The following FAM217B variants were observed in gnomAD, a reference collection of about 807,000 sequenced individuals.
FAM217B encodes the protein family with sequence similarity 217 member B.
For missense variants in FAM217B, 463 were observed against 456.9 expected (o/e 1.01, Z -0.12); for synonymous variants, 163 against 173.0 (o/e 0.94, Z 0.45).
Position 59,944,054 on chromosome 20 carries a change from C to T in FAM217B, c.111C>T (p.Leu37=). ...CTTCTTCCCAGCCGAGAAGCAGCCT[C>T]ACAGCTGTCACCCAGCCTACTGAAG... The part of the protein sequence containing the change: ...PHASSQPRSS[L]TAVTQPTEEK... The change falls in exon 4 of 4, where the codon CTC becomes CTT. Residue 37 remains leucine, a synonymous_variant. Transcript: ENST00000360816. The T allele has an allele frequency of 1.2e-6, 2 of 1,614,156 alleles. No individual in the cohort carries two copies. The highest frequency in any genetic ancestry group is 1.7e-6 in the Non-Finnish European group (2 of 1,180,022).
intron 1 of FAM217B, among the ~76,000 whole-genome samples, chr20:59,934,238 G>A (rs1165646421): frequency 6.6e-6 from 1 of 152,224 alleles, no homozygotes; most frequent in Non-Finnish European, 1.5e-5. Flanking sequence ...CCGCAGGTCC[G>A]GAGACGGGGT....
upstream of FAM217B, chr20:59,939,745 G>A (rs1286705027): frequency 1.6e-6 from 2 of 1,233,018 alleles, no homozygotes; most frequent in Non-Finnish European, 1.0e-6. Context: ...GGCCGCAGGC[G>A]GGGGTCGCAG....
rs979236236 is a variant in FAM217B at position 59,947,233 on chromosome 20, G to C, written c.*2138G>C. On this transcript the variant is annotated 3_prime_UTR_variant, in exon 4 of 4. Coordinates refer to ENST00000360816, the MANE Select transcript of FAM217B (RefSeq NM_022106.3). ...TTAAGAAATTTAGAGGTGGCTGGGC[G>C]TGGTGGCTCACGCCTGTAATCCCAG... The C allele has an allele frequency of 6.0e-6, 1 of 166,756 alleles. No individual in the cohort carries two copies. Among genetic ancestry groups the C allele is most frequent in the African/African-American group, 2.4e-5 (1 of 41,466 alleles). The allele number at this position is 166,756 out of a possible 1,614,324, so 10.3% of individuals were successfully genotyped here.
upstream of FAM217B, chr20:59,939,697 G>T: frequency 7.1e-7 from 1 of 1,409,154 alleles, no homozygotes; most frequent in South Asian, 1.6e-5. Flanking sequence ...CGGCGCTCGG[G>T]GGAGCTGGGC....
chr20:59,943,662 A>T (rs2145951497), intron 3 of FAM217B, among the ~76,000 whole-genome samples: 1 of 152,280 alleles, frequency 6.6e-6, no homozygotes, highest in East Asian at 1.9e-4. Flanking sequence ...GAGAAATGTT[A>T]ATGTTTTTCC....
At chr20:59,941,128 C>CA (rs974384511) in intron 1 of FAM217B, among the ~76,000 whole-genome samples, 20 of 152,214 alleles carry the variant, frequency 1.3e-4, no homozygotes, top group Non-Finnish European at 2.8e-4. Context: ...TAGCTTTGAG[C>CA]ACAAAACCCC....
upstream of FAM217B, chr20:59,939,663 C>A (rs746941305): frequency 5.4e-6 from 8 of 1,481,608 alleles, no homozygotes; most frequent in South Asian, 1.3e-5. Flanking sequence ...ACACGCAGCG[C>A]CCGGCGCGCC....
upstream of FAM217B, chr20:59,939,240 C>T (rs1436677082): frequency 2.5e-6 from 4 of 1,611,266 alleles, no homozygotes; most frequent in Non-Finnish European, 3.4e-6. Flanking sequence ...GTCCTCCGTG[C>T]CCTCGGGGCC....
At position 59,945,028 on chromosome 20, in the gene FAM217B, C is replaced by A; in HGVS notation, c.1085C>A (p.Ala362Asp). The A allele has an allele frequency of 6.2e-7, 1 of 1,612,874 alleles. No homozygotes were observed. The highest frequency in any genetic ancestry group is 8.5e-7 in the Non-Finnish European group (1 of 1,179,664). The change falls in exon 4 of 4, where the codon GCC (alanine) becomes GAC (aspartate). Residue 362 changes from alanine to aspartate, a missense_variant. Coordinates refer to ENST00000360816, the MANE Select transcript of FAM217B (RefSeq NM_022106.3). ...GGAAAGGCAGAGAGCTGTGGTCATG[C>A]CACTGTATCGAGTGAGAAAAAACTG... The part of the protein sequence containing the change: ...KKGKAESCGH[A>D]TVSSEKKLKT...
chr20:59,936,846 TA>T (rs2060865625), upstream of FAM217B: 1 of 152,318 alleles, frequency 6.6e-6, no homozygotes, highest in Admixed American at 6.5e-5. Context: ...TTTGCACATA[TA>T]CTTTAATACT....
At position 59,948,380 on chromosome 20, in the gene FAM217B, T is replaced by G. The variant is rs1255173808; in HGVS notation, c.*3285T>G. On this transcript the variant is annotated 3_prime_UTR_variant, in exon 4 of 4. Transcript: ENST00000360816. ...TTCAGAAGGACATAAGACTTTCTAC[T>G]TTATCTGATATGGATATCGTCTACT... 1.2e-5 allele frequency: 2 copies of G among 167,074 alleles called. No homozygotes were observed. The highest frequency in any genetic ancestry group is 3.8e-4 in the East Asian group (2 of 5,200). The allele number at this position is 167,074 out of a possible 1,614,324, so 10.3% of individuals were successfully genotyped here. A position where few individuals can be genotyped will look rare whatever the true frequency, so the allele number is the denominator to read the frequency against.
rs977909467 is a variant in FAM217B at position 59,934,800 on chromosome 20, G to A, written c.-326+947G>A. On this transcript the variant is annotated intron_variant, in intron 1 of 4. Coordinates refer to the FAM217B transcript ENST00000358293. Reference sequence around the variant, plus strand: ...TTAAGATTTAAATGTGCGGTGGAAAGCACCTGAAAAAAATAAACACAAGGT... The same window carrying A: ...TTAAGATTTAAATGTGCGGTGGAAAACACCTGAAAAAAATAAACACAAGGT... Among the ~76,000 whole-genome samples, 6 of 152,218 alleles carry A rather than the reference G, an allele frequency of 3.9e-5. No homozygotes were observed. The South Asian group carries it at 6.2e-4, about 16-fold the overall frequency.
chr20:59,940,712 T>C (rs1358025017), intron 1 of FAM217B, among the ~76,000 whole-genome samples, 177 bp downstream of exon 1: 1 of 152,098 alleles, frequency 6.6e-6, no homozygotes, highest in Non-Finnish European at 1.5e-5. Flanking sequence ...TCAGGCTAAT[T>C]TTAAACATCG....
upstream of FAM217B, chr20:59,938,026 C>T (rs1332466912): frequency 6.6e-6 from 1 of 152,202 alleles, no homozygotes; most frequent in Non-Finnish European, 1.5e-5. Context: ...TCTAGTTCCA[C>T]CTTGTAACTG....
At position 59,945,692 on chromosome 20, in the gene FAM217B, A is replaced by T. The variant is rs1379427362; in HGVS notation, c.*597A>T. 1 of 166,584 alleles carries T rather than the reference A, an allele frequency of 6.0e-6. No individual in the cohort carries two copies. The highest frequency in any genetic ancestry group is 1.9e-4 in the East Asian group (1 of 5,186). The allele number at this position is 166,584 out of a possible 1,614,324, so 10.3% of individuals were successfully genotyped here. A position where few individuals can be genotyped will look rare whatever the true frequency, so the allele number is the denominator to read the frequency against. On this transcript the variant is annotated 3_prime_UTR_variant, in exon 4 of 4. Transcript: ENST00000360816. ...ACTAAGCTGGTTGCTTTCTAGAGAG[A>T]CAGTGGAATCTAGTACTTTAATACA...
Position 59,945,692 on chromosome 20 carries a change from AC to A in FAM217B, c.*598del. Reference sequence around the variant, plus strand: ...ACTAAGCTGGTTGCTTTCTAGAGAGACAGTGGAATCTAGTACTTTAATACAT... The same window carrying A: ...ACTAAGCTGGTTGCTTTCTAGAGAGAAGTGGAATCTAGTACTTTAATACAT... On this transcript the variant is annotated 3_prime_UTR_variant, in exon 4 of 4. Transcript: ENST00000360816. The A allele has an allele frequency of 6.0e-6, 1 of 166,682 alleles. No homozygotes were observed. Among genetic ancestry groups the A allele is most frequent in the East Asian group, 1.9e-4 (1 of 5,174 alleles). The allele number at this position is 166,682 out of a possible 1,614,324, so 10.3% of individuals were successfully genotyped here.
In FAM217B at chr20:59,946,212, C is replaced by T. The variant is rs535205044; in HGVS notation, c.*1117C>T. On this transcript the variant is annotated 3_prime_UTR_variant, in exon 4 of 4. Transcript: ENST00000360816. Reference sequence around the variant, plus strand: ...TTCAGGCTTCCCAACTCTCTCCAAGCCTTCTTATTTCACTGCAGTTAAATA... The same window carrying T: ...TTCAGGCTTCCCAACTCTCTCCAAGTCTTCTTATTTCACTGCAGTTAAATA... The T allele has an allele frequency of 6.0e-6, 1 of 167,026 alleles. No individual in the cohort carries two copies. Among genetic ancestry groups the T allele is most frequent in the Non-Finnish European group, 1.5e-5 (1 of 68,098 alleles). The allele number at this position is 167,026 out of a possible 1,614,324, so 10.3% of individuals were successfully genotyped here.
At chr20:59,939,560 G>A, upstream of FAM217B, 1 of 1,611,520 alleles carries the variant, frequency 6.2e-7, no homozygotes, top group African/African-American at 1.3e-5. Context: ...GCACGGACGG[G>A]TCGTCTCCCG....
chr20:59,934,542 G>A (rs1374806450), intron 1 of FAM217B, among the ~76,000 whole-genome samples: 2 of 152,128 alleles, frequency 1.3e-5, no homozygotes, highest in African/African-American at 2.4e-5. Flanking sequence ...TAATCATGTG[G>A]ATTAACTTCA....
Sources: gnomAD v4.1 joint callset for allele counts (sites outside exome capture counted in the v4.1 genomes callset) on GRCh38, gnomAD v4.1.1 for gene constraint, MANE v1.5 for transcripts, NCBI Gene and HGNC (gene_info 2026-07-23, HGNC 2026-07-21) for gene names.